The following TET1 variants were observed in gnomAD, a reference collection of about 807,000 sequenced individuals.
TET1 encodes tet methylcytosine dioxygenase 1, also known as methylcytosine dioxygenase TET1.
TET1 carries 13 observed loss-of-function variants against 148.7 expected under a neutral mutation model. The observed-to-expected ratio is 0.09, with a 90% CI of 0.06 to 0.14. TET1 has a LOEUF of 0.14. TET1 is among the 10% of genes least tolerant of loss of function. TET1 has a pLI of 1.00. For missense variants in TET1, 2,182 were observed against 2,553.8 expected, an observed-to-expected ratio of 0.85 and a Z score of 3.14; for synonymous variants, 907 against 937.2, an observed-to-expected ratio of 0.97 and a Z score of 0.59.
intron 4 of TET1, among the ~76,000 whole-genome samples, chr10:68,650,829 A>G (rs1353598631): frequency 6.6e-6 from 1 of 152,196 alleles, no homozygotes; most frequent in African/African-American, 2.4e-5. Context: ...TTTAAGAAAC[A>G]TAAAATTCAT....
chr10:68,600,360 T>C (rs1009205230), intron 2 of TET1, among the ~76,000 whole-genome samples: 4 of 152,264 alleles, frequency 2.6e-5, no homozygotes, highest in Non-Finnish European at 4.4e-5. Context: ...TTTGTGTGCA[T>C]TGTTTTTGTT....
chr10:68,623,784 C>T (rs2054408829), intron 3 of TET1, among the ~76,000 whole-genome samples: 1 of 152,184 alleles, frequency 6.6e-6, no homozygotes, highest in South Asian at 2.1e-4. Context: ...GTCTCACTTG[C>T]AAGACTCAAT....
chr10:68,584,371 T>A (rs1452067243), intron 2 of TET1, among the ~76,000 whole-genome samples: 3 of 151,222 alleles, frequency 2.0e-5, no homozygotes, highest in Admixed American at 6.6e-5. Context: ...CAAATACATA[T>A]GAGTCAGCCT....
chr10:68,593,369 C>A (rs563160960), intron 2 of TET1, among the ~76,000 whole-genome samples: 1 of 150,946 alleles, frequency 6.6e-6, no homozygotes, highest in Non-Finnish European at 1.5e-5. Flanking sequence ...GACCTGGGTT[C>A]TTTTAAGGTT....
At chr10:68,665,832 A>G (rs2082416684) in intron 6 of TET1, among the ~76,000 whole-genome samples, 1 of 152,162 alleles carries the variant, frequency 6.6e-6, no homozygotes, top group Non-Finnish European at 1.5e-5. Flanking sequence ...AGCCAACTCT[A>G]CTCAAGGGAT....
chr10:68,665,056 G>C (rs1332838638), intron 6 of TET1, among the ~76,000 whole-genome samples: 2 of 152,112 alleles, frequency 1.3e-5, no homozygotes, highest in Admixed American at 1.3e-4. Flanking sequence ...ACAAGTGTGA[G>C]CTGCGGCACC....
In TET1 at chr10:68,691,666, C is replaced by G. The variant is rs1360370326; in HGVS notation, c.6263C>G (p.Ala2088Gly). Residue 2088 changes from alanine (A) to glycine (G), a missense_variant, in exon 12 of 12, where the codon GCT (alanine) becomes GGT (glycine). By Grantham distance (60) the Ala-to-Gly change is moderately conservative (BLOSUM62 0). Around this residue, in one of 11 missense-constraint regions of TET1, gnomAD observed 54 missense variants for 44.4 expected, o/e 1.22. Transcript: ENST00000373644. This position sits in a 1 kb window ranked among gnomAD's most constrained non-coding sequence, Gnocchi z 4.4. ...GCCTCAGAGCAAAAAGACCAGGCAG[C>G]TAATGAAGGTCCAGAACAGTCCTCT... ...MKASEQKDQAANEGPEQSSEV... is the reference protein window; with the variant it reads ...MKASEQKDQAGNEGPEQSSEV... 2 of 1,614,196 alleles carry G rather than the reference C, an allele frequency of 1.2e-6. No homozygotes were observed. The highest frequency in any genetic ancestry group is 1.7e-6 in the Non-Finnish European group (2 of 1,180,038).
chr10:68,685,033 T>C (rs1302783574), intron 10 of TET1, among the ~76,000 whole-genome samples: 3 of 152,088 alleles, frequency 2.0e-5, no homozygotes, highest in Admixed American at 6.5e-5. Context: ...GGTGGAAGGA[T>C]TGCTTGAACC....
intron 3 of TET1, among the ~76,000 whole-genome samples, chr10:68,606,091 G>T (rs371091802): frequency 5.9e-5 from 9 of 152,288 alleles, no homozygotes; most frequent in African/African-American, 1.9e-4. Context: ...AATAGGCCAG[G>T]TTCGGTGGCT....
rs1270837763 is a variant in TET1 at position 68,646,080 on chromosome 10, T to G, written c.3351T>G (p.Asn1117Lys). The change falls in exon 4 of 12, where the codon AAT (asparagine) becomes AAG (lysine). Residue 1117 changes from asparagine (N) to lysine (K), a missense_variant. By Grantham distance (94) the Asn-to-Lys change is moderately conservative. Around this residue, in one of 11 missense-constraint regions of TET1, gnomAD observed 582 missense variants for 599.5 expected, o/e 0.97. Coordinates refer to ENST00000373644, the MANE Select transcript of TET1 (RefSeq NM_030625.3). ...CATGTAATGTACAGCAAAAATACAA[T>G]CAGGAGAAGGGCACAATACAACAGA... Reference protein sequence around the residue: ...LVTCNVQQKYNQEKGTIQQKP... With the variant: ...LVTCNVQQKYKQEKGTIQQKP... The G allele has an allele frequency of 6.2e-7, 1 of 1,613,710 alleles. No homozygotes were observed. The highest frequency in any genetic ancestry group is 2.2e-5 in the East Asian group (1 of 44,874).
At chr10:68,567,844 G>T (rs1186104596) in intron 1 of TET1, among the ~76,000 whole-genome samples, 1 of 151,860 alleles carries the variant, frequency 6.6e-6, no homozygotes, top group Non-Finnish European at 1.5e-5. Flanking sequence ...AGAACATATG[G>T]TTCTCACAAT....
chr10:68,680,839 CCT>C (rs1326080632), intron 8 of TET1, among the ~76,000 whole-genome samples: 2 of 152,186 alleles, frequency 1.3e-5, no homozygotes, highest in Non-Finnish European at 2.9e-5. Context: ...ATTTACTAAA[CCT>C]CTCAGTTATC....
chr10:68,689,380 G>A (rs2055559833), intron 11 of TET1, among the ~76,000 whole-genome samples: 1 of 151,994 alleles, frequency 6.6e-6, no homozygotes, highest in African/African-American at 2.4e-5. Flanking sequence ...AGATTTGCTG[G>A]TTTTGCACTT....
At position 68,573,993 on chromosome 10, in the gene TET1, G is replaced by A; in HGVS notation, c.1655G>A (p.Ser552Asn). ...GGGAGCTCCCAGGTCAGTGTAACCAGCACAGTTCATGTTGTCAACACCACA... is the reference window on the plus strand; with the variant it reads ...GGGAGCTCCCAGGTCAGTGTAACCAACACAGTTCATGTTGTCAACACCACA... ...DRGSSQVSVT[S>N]TVHVVNTTVV... Residue 552 changes from serine to asparagine, a missense_variant, in exon 2 of 12, where the codon AGC becomes AAC. Ser to Asn is a conservative substitution (Grantham distance 46, BLOSUM62 1). This residue lies in a region of TET1 where 665 missense variants were observed against 672.4 expected (regional missense o/e 0.99). Transcript: ENST00000373644. 1.2e-6 allele frequency: 2 copies of A among 1,614,148 alleles called. No homozygotes were observed. Among genetic ancestry groups the A allele is most frequent in the South Asian group, 2.2e-5 (2 of 91,082 alleles).
intron 7 of TET1, among the ~76,000 whole-genome samples, chr10:68,667,751 A>T (rs2055214065): frequency 6.6e-6 from 1 of 151,686 alleles, no homozygotes; most frequent in Non-Finnish European, 1.5e-5. Flanking sequence ...CTCAAAAAAA[A>T]AAAACAAAAA....
intron 2 of TET1, among the ~76,000 whole-genome samples, chr10:68,592,507 G>A (rs1214051763): frequency 1.3e-5 from 2 of 152,242 alleles, no homozygotes; most frequent in South Asian, 2.1e-4. Context: ...TAATTCTAAC[G>A]GGAACGGTAG....
intron 3 of TET1, among the ~76,000 whole-genome samples, chr10:68,602,124 C>A (rs1407693015): frequency 6.6e-6 from 1 of 152,184 alleles, no homozygotes; most frequent in South Asian, 2.1e-4. Flanking sequence ...CCTGTTTCAT[C>A]AACCAACAAG....
intron 3 of TET1, among the ~76,000 whole-genome samples, chr10:68,640,074 T>A (rs1050247393): frequency 2.0e-5 from 3 of 151,542 alleles, no homozygotes; most frequent in Non-Finnish European, 4.4e-5. Flanking sequence ...ATTACAGGCA[T>A]GTGTCACCTC....
intron 3 of TET1, among the ~76,000 whole-genome samples, chr10:68,622,364 T>C (rs2054389926): frequency 1.3e-5 from 2 of 151,896 alleles, no homozygotes; most frequent in African/African-American, 4.8e-5. Context: ...TCCCAGGTTC[T>C]AACAATTCTC....
Sources: allele counts gnomAD v4.1 joint callset (sites outside exome capture counted in the v4.1 genomes callset), GRCh38; gene constraint gnomAD v4.1.1; regional missense constraint gnomAD v4.1.1; non-coding constraint Gnocchi (gnomAD v3.1); transcripts MANE v1.5; gene names NCBI Gene and HGNC (gene_info 2026-07-23, HGNC 2026-07-21).